CDK6: variants seen among roughly 807,000 people sequenced by gnomAD.
CDK6 encodes cyclin-dependent kinase 6.
A neutral mutation model predicts 37.1 loss-of-function variants in CDK6; 6 were observed. The observed-to-expected ratio is 0.16, with a 90% CI of 0.09 to 0.32. The LOEUF (loss-of-function observed/expected upper bound fraction) is 0.32. Among genes scored for constraint, CDK6 ranks in the 10% least tolerant of loss-of-function variants. The pLI is 1.00. For missense variants in CDK6, 224 were observed against 418.9 expected (o/e 0.53, Z 4.06); for synonymous variants, 160 against 161.3 (o/e 0.99, Z 0.06).
At chr7:92,730,325 CA>C (rs1167446362) in intron 3 of CDK6, among the ~76,000 whole-genome samples, 2 of 152,182 alleles carry the variant, frequency 1.3e-5, no homozygotes, top group Non-Finnish European at 2.9e-5. Flanking sequence ...ATTTGTTATT[CA>C]AGTTTTCACA....
At chr7:92,746,486 T>A (rs1027631520) in intron 3 of CDK6, among the ~76,000 whole-genome samples, 1 of 152,234 alleles carries the variant, frequency 6.6e-6, no homozygotes, top group African/African-American at 2.4e-5. Context: ...CACAGAAGTA[T>A]AAATATTGTA....
At chr7:92,626,620 A>G (rs990477013) in intron 5 of CDK6, among the ~76,000 whole-genome samples, 1 of 152,136 alleles carries the variant, frequency 6.6e-6, no homozygotes, top group African/African-American at 2.4e-5. Flanking sequence ...ATGGAAACCA[A>G]GCCAAGGAGG....
At chr7:92,695,282 AAAAG>A (rs548127829) in intron 4 of CDK6, among the ~76,000 whole-genome samples, 33 of 149,978 alleles carry the variant, frequency 2.2e-4, no homozygotes, top group African/African-American at 4.2e-4. Context: ...AAAAAAAAAA[AAAAG>A]AAAGAAAGAA....
intron 3 of CDK6, among the ~76,000 whole-genome samples, chr7:92,732,474 T>C (rs564171519): frequency 6.6e-6 from 1 of 152,340 alleles, no homozygotes; most frequent in Non-Finnish European, 1.5e-5. Flanking sequence ...TTCTTATCTT[T>C]CCACATTCTT....
chr7:92,761,258 TTATTA>T (rs925216615), intron 3 of CDK6, among the ~76,000 whole-genome samples: 2 of 152,166 alleles, frequency 1.3e-5, no homozygotes, highest in African/African-American at 4.8e-5. Context: ...TGTTTACATA[TTATTA>T]TATCATTTAA....
chr7:92,748,411 T>C (rs1039317964), intron 3 of CDK6, among the ~76,000 whole-genome samples: 2 of 152,198 alleles, frequency 1.3e-5, no homozygotes, highest in African/African-American at 4.8e-5. Context: ...CCAGTATTAT[T>C]ACTGGTCAGA....
chr7:92,708,756 A>T (rs1340029474), intron 4 of CDK6, among the ~76,000 whole-genome samples: 1 of 152,240 alleles, frequency 6.6e-6, no homozygotes, highest in Non-Finnish European at 1.5e-5. Context: ...TCTGATTTAT[A>T]CAACTACTAG....
At chr7:92,797,914 T>A (rs1800457215) in intron 2 of CDK6, among the ~76,000 whole-genome samples, 1 of 152,200 alleles carries the variant, frequency 6.6e-6, no homozygotes. Flanking sequence ...ACACCTTCGA[T>A]GTGTTAACAC....
intron 2 of CDK6, among the ~76,000 whole-genome samples, chr7:92,793,053 A>G (rs3731294): frequency 1.2e-3 from 185 of 152,282 alleles, no homozygotes; most frequent in Non-Finnish European, 1.9e-3. Context: ...AAATTTAACA[A>G]GAGTTCTCTG....
In CDK6 at chr7:92,618,086, T is replaced by C; in HGVS notation, c.820A>G (p.Lys274Glu). The change falls in exon 7 of 8, where the codon AAA becomes GAA. Residue 274 changes from lysine (K) to glutamate (E), a missense_variant. Coordinates refer to ENST00000424848, the MANE Select transcript of CDK6 (RefSeq NM_001145306.2). ...GAAAAACTTACCAGAAGTAGGTCTT[T>C]GCCTAGTTCATCGATATCTGTTACA... ...KFVTDIDELG[K>E]DLLLKCLTFN... 6.2e-7 allele frequency: 1 copy of C among 1,614,108 alleles called. No individual in the cohort carries two copies. Among genetic ancestry groups the C allele is most frequent in the South Asian group, 1.1e-5 (1 of 91,080 alleles).
chr7:92,626,252 T>C (rs1156498695), intron 5 of CDK6, among the ~76,000 whole-genome samples: 3 of 151,954 alleles, frequency 2.0e-5, no homozygotes. Context: ...TCAAAGTATA[T>C]AATTATAATG....
chr7:92,630,378 A>G (rs1417186742), intron 5 of CDK6, among the ~76,000 whole-genome samples: 1 of 151,954 alleles, frequency 6.6e-6, no homozygotes, highest in Non-Finnish European at 1.5e-5. Context: ...AAGGCTGGGA[A>G]AGAAATGATG....
At chr7:92,625,542 C>A (rs7786226) in intron 5 of CDK6, among the ~76,000 whole-genome samples, 31,405 of 143,770 alleles carry the variant, frequency 0.22, 3,759 homozygotes, top group Middle Eastern at 0.36. Context: ...CAAAAAAAAA[C>A]AAAACAAAAC....
intron 5 of CDK6, among the ~76,000 whole-genome samples, chr7:92,648,898 TCTC>T (rs1271552231): frequency 1.3e-5 from 2 of 152,166 alleles, no homozygotes; most frequent in Non-Finnish European, 2.9e-5. Context: ...AGTATAAAAA[TCTC>T]CTTTACAACA....
chr7:92,682,329 C>T lies in CDK6; in HGVS notation c.538-10794G>A, dbSNP rs867099117. ...TGTCTGTTCCCCCTTCAGATGAAGG[C>T]TTTCTTTAACTTGTCAGAGACCGTG... On this transcript the variant is annotated intron_variant, in intron 4 of 7. Transcript: ENST00000424848. Among the ~76,000 whole-genome samples, 16 of 152,324 alleles carry T rather than the reference C, an allele frequency of 1.1e-4. No homozygotes were observed. In the South Asian group the frequency reaches 2.7e-3, roughly 26 times the overall value.
intron 3 of CDK6, among the ~76,000 whole-genome samples, chr7:92,768,768 C>T (rs1421201732): frequency 6.6e-6 from 1 of 152,076 alleles, no homozygotes; most frequent in Non-Finnish European, 1.5e-5. Flanking sequence ...TGACCAGCAG[C>T]GACAGGGCAT....
intron 2 of CDK6, among the ~76,000 whole-genome samples, chr7:92,803,238 G>T (rs761897492): frequency 6.6e-6 from 1 of 152,156 alleles, no homozygotes; most frequent in African/African-American, 2.4e-5. Context: ...TAAGTCACAG[G>T]TTTTGCTTAC....
At chr7:92,754,583 G>T (rs1799267175) in intron 3 of CDK6, among the ~76,000 whole-genome samples, 1 of 152,170 alleles carries the variant, frequency 6.6e-6, no homozygotes, top group Non-Finnish European at 1.5e-5. Context: ...AATTTCACTA[G>T]ACAAAGCCAC....
At chr7:92,709,235 C>T (rs1046949633) in intron 4 of CDK6, among the ~76,000 whole-genome samples, 8 of 151,876 alleles carry the variant, frequency 5.3e-5, no homozygotes, top group Non-Finnish European at 7.4e-5. Context: ...TAGTAGACTG[C>T]TTTTTTTTAG....
Sources: gnomAD v4.1 joint callset for allele counts (sites outside exome capture counted in the v4.1 genomes callset) on GRCh38, gnomAD v4.1.1 for gene constraint, MANE v1.5 for transcripts, NCBI Gene and HGNC (gene_info 2026-07-23, HGNC 2026-07-21) for gene names.